The following OOEP variants were observed in gnomAD, a reference collection of about 807,000 sequenced individuals.
The protein encoded by OOEP is oocyte expressed protein.
In OOEP, 16 loss-of-function variants were observed where a neutral mutation model predicts 13.7. The ratio of observed to expected loss-of-function variants is 1.16; its 90% CI spans 0.79 to 1.77. The LOEUF (loss-of-function observed/expected upper bound fraction) is 1.77, where lower values mean the gene tolerates loss of function less well. OOEP is among the 40% of genes most tolerant of loss of function. The pLI is 0.00. For synonymous variants in OOEP, 89 were observed against 77.1 expected, an observed-to-expected ratio of 1.15 and a Z score of -0.81; for missense variants, 195 against 193.1, an observed-to-expected ratio of 1.01 and a Z score of -0.06.
chr6:73,371,985 G>A (rs1236473986), upstream of OOEP, among the ~76,000 whole-genome samples: 1 of 151,962 alleles, frequency 6.6e-6, no homozygotes, highest in Non-Finnish European at 1.5e-5. Context: ...GCTCGTGCCT[G>A]TAATCCCAGC....
chr6:73,394,524 T>C, intron 1 of OOEP: 1 of 589,606 alleles, frequency 1.7e-6, no homozygotes, highest in South Asian at 2.0e-5. Flanking sequence ...TCCAAGGCAC[T>C]GAGATGCCAG....
At chr6:73,371,888 A>G (rs1372898833), upstream of OOEP, among the ~76,000 whole-genome samples, 3 of 152,214 alleles carry the variant, frequency 2.0e-5, no homozygotes, top group Non-Finnish European at 4.4e-5. Context: ...AAATGGCACC[A>G]CTACACTCCA....
intron 2 of OOEP, among the ~76,000 whole-genome samples, chr6:73,387,944 C>A (rs1261887856): frequency 3.3e-5 from 5 of 152,170 alleles, no homozygotes; most frequent in South Asian, 2.1e-4. Flanking sequence ...TCTGGGCTGA[C>A]CTGCAACTTC....
At chr6:73,382,494 G>A (rs1430650727) in intron 2 of OOEP, among the ~76,000 whole-genome samples, 1 of 151,756 alleles carries the variant, frequency 6.6e-6, no homozygotes, top group Non-Finnish European at 1.5e-5. Flanking sequence ...GGGATTATAA[G>A]CATGAGCCAC....
At chr6:73,390,764 CT>C (rs974095613) in intron 2 of OOEP, among the ~76,000 whole-genome samples, 3 of 145,016 alleles carry the variant, frequency 2.1e-5, no homozygotes, top group East Asian at 2.2e-4. Flanking sequence ...CTTTTTTTTT[CT>C]TTTTTTTGTA....
intron 2 of OOEP, among the ~76,000 whole-genome samples, chr6:73,379,439 T>G (rs964350231): frequency 7.9e-5 from 12 of 151,012 alleles, no homozygotes; most frequent in African/African-American, 2.9e-4. Context: ...AGGTTAGAAG[T>G]TTGAGACCAA....
At chr6:73,377,912 C>T (rs1769156072) in intron 2 of OOEP, among the ~76,000 whole-genome samples, 2 of 152,112 alleles carry the variant, frequency 1.3e-5, no homozygotes, top group South Asian at 4.1e-4. Flanking sequence ...TGGCCGCAAG[C>T]GAGCCTTCTA....
chr6:73,383,481 C>A (rs1421948692), intron 2 of OOEP, among the ~76,000 whole-genome samples: 1 of 152,016 alleles, frequency 6.6e-6, no homozygotes, highest in Non-Finnish European at 1.5e-5. Context: ...ACTAAAAATA[C>A]AAAATTAGCT....
intron 2 of OOEP, among the ~76,000 whole-genome samples, chr6:73,376,473 T>TTTTATTTATTTATTTA (rs57494717): frequency 6.7e-6 from 1 of 148,924 alleles, no homozygotes; most frequent in African/African-American, 2.5e-5. Context: ...CGAAACATGA[T>TTTTATTTATTTATTTA]TTTATTTATT....
At chr6:73,383,453 T>C (rs1769233627) in intron 2 of OOEP, among the ~76,000 whole-genome samples, 1 of 152,174 alleles carries the variant, frequency 6.6e-6, no homozygotes, top group Non-Finnish European at 1.5e-5. Flanking sequence ...CTGGTCAATA[T>C]GGTGAAACCC....
chr6:73,392,119 A>G (rs1410659264), intron 2 of OOEP, among the ~76,000 whole-genome samples: 4 of 152,212 alleles, frequency 2.6e-5, no homozygotes, highest in African/African-American at 9.7e-5. Flanking sequence ...CTAATACTAA[A>G]ACCAGTCAAA....
chr6:73,376,188 T>G (rs1434398866), intron 2 of OOEP, among the ~76,000 whole-genome samples: 4 of 152,206 alleles, frequency 2.6e-5, no homozygotes, highest in Non-Finnish European at 5.9e-5. Context: ...TATTTATCAG[T>G]AACAATGAAA....
chr6:73,373,962 G>A (rs1375364056), upstream of OOEP, among the ~76,000 whole-genome samples: 2 of 152,040 alleles, frequency 1.3e-5, no homozygotes, highest in African/African-American at 2.4e-5. Context: ...AGGCTGAGGC[G>A]GGAGGATCAC....
At chr6:73,378,255 C>A (rs1769158850) in intron 2 of OOEP, among the ~76,000 whole-genome samples, 2 of 151,732 alleles carry the variant, frequency 1.3e-5, no homozygotes, top group Non-Finnish European at 1.5e-5. Flanking sequence ...GGTGTGTGCA[C>A]CATGCCCAGC....
intron 2 of OOEP, among the ~76,000 whole-genome samples, chr6:73,388,258 C>T (rs993444455): frequency 6.6e-6 from 1 of 151,836 alleles, no homozygotes; most frequent in African/African-American, 2.4e-5. Flanking sequence ...AATGAAAATA[C>T]AAATTATAAA....
At chr6:73,390,581 CTTTTTTTTT>C (rs1174507865) in intron 2 of OOEP, among the ~76,000 whole-genome samples, 1 of 135,944 alleles carries the variant, frequency 7.4e-6, no homozygotes, top group Admixed American at 7.4e-5. Flanking sequence ...TACCCAAAAA[CTTTTTTTTT>C]TTTTTTTTGA....
chr6:73,373,675 C>T (rs547958776), upstream of OOEP, among the ~76,000 whole-genome samples: 15 of 152,186 alleles, frequency 9.9e-5, no homozygotes, highest in East Asian at 5.8e-4. Flanking sequence ...CTGCAACCTC[C>T]GCCTCCTGGG....
At chr6:73,389,543 G>A (rs1769318439) in intron 2 of OOEP, among the ~76,000 whole-genome samples, 1 of 152,050 alleles carries the variant, frequency 6.6e-6, no homozygotes, top group Admixed American at 6.6e-5. Context: ...TATCGCAAAA[G>A]GCTTAGGCTT....
intron 2 of OOEP, among the ~76,000 whole-genome samples, chr6:73,382,214 ATTTT>A (rs70994196): frequency 2.0e-5 from 2 of 98,086 alleles, no homozygotes; most frequent in African/African-American, 4.1e-5. Context: ...CACCTGGCTA[ATTTT>A]TTTTTTTTTT....
Sources: gnomAD v4.1 joint callset for allele counts (sites outside exome capture counted in the v4.1 genomes callset) on GRCh38, gnomAD v4.1.1 for gene constraint, MANE v1.5 for transcripts, NCBI Gene and HGNC (gene_info 2026-07-23, HGNC 2026-07-21) for gene names.